Variants in CNBD1 observed in about 807,000 individuals in gnomAD.
CNBD1 encodes the protein cyclic nucleotide-binding domain-containing protein 1.
CNBD1 carries 71 observed loss-of-function variants against 54.4 expected under a neutral mutation model. That is an observed-to-expected ratio of 1.30 (90% CI 1.08 to 1.59). CNBD1 has a LOEUF of 1.59. CNBD1 is among the 40% of genes most tolerant of loss of function. The pLI, the probability that CNBD1 is intolerant of heterozygous loss-of-function variation, is 0.00. For synonymous variants in CNBD1, 182 were observed against 170.7 expected, an observed-to-expected ratio of 1.07 and a Z score of -0.51; for missense variants, 659 against 518.0, an observed-to-expected ratio of 1.27 and a Z score of -2.64.
intron 4 of CNBD1, among the ~76,000 whole-genome samples, chr8:86,962,794 CACAAAAA>C (rs1807965153): frequency 6.6e-6 from 1 of 151,108 alleles, no homozygotes; most frequent in Non-Finnish European, 1.5e-5. Flanking sequence ...TCAAAAAAAA[CACAAAAA>C]ACAAAAAACA....
intron 5 of CNBD1, among the ~76,000 whole-genome samples, chr8:87,226,475 T>C (rs897131218): frequency 6.1e-5 from 9 of 148,418 alleles, no homozygotes; most frequent in Non-Finnish European, 1.3e-4. Context: ...AACATCTTTA[T>C]TTCTGCCTTC....
At chr8:87,297,503 T>C (rs561972474) in intron 8 of CNBD1, among the ~76,000 whole-genome samples, 1 of 152,304 alleles carries the variant, frequency 6.6e-6, no homozygotes, top group South Asian at 2.1e-4. Flanking sequence ...ACGATATGAA[T>C]TTTTAAATCT....
At chr8:87,382,441 A>T (rs961361688) in intron 10 of CNBD1, among the ~76,000 whole-genome samples, 179 bp from the exon 11 acceptor site, 5 of 152,030 alleles carry the variant, frequency 3.3e-5, no homozygotes, top group Non-Finnish European at 5.9e-5. Flanking sequence ...ATGTCATTAG[A>T]GGGGGTGTAA....
intron 4 of CNBD1, among the ~76,000 whole-genome samples, chr8:86,944,245 C>T (rs1253265276): frequency 2.0e-5 from 3 of 151,998 alleles, no homozygotes; most frequent in Non-Finnish European, 4.4e-5. Flanking sequence ...ATTTTTCATC[C>T]ATTAATTAAT....
chr8:87,371,657 TC>T (rs1810804252), intron 10 of CNBD1, among the ~76,000 whole-genome samples: 1 of 152,108 alleles, frequency 6.6e-6, no homozygotes, highest in East Asian at 1.9e-4. Context: ...GTGGGCTTCA[TC>T]CCTGGGATGC....
At chr8:87,164,744 C>T (rs575764952) in intron 4 of CNBD1, among the ~76,000 whole-genome samples, 1 of 151,328 alleles carries the variant, frequency 6.6e-6, no homozygotes, top group African/African-American at 2.4e-5. Context: ...ACTTTCATTG[C>T]TTTTTTCTGT....
rs561751458 is a variant in CNBD1 at position 87,223,506 on chromosome 8, C to T, written c.578-13413C>T. 9.6e-3 allele frequency among the ~76,000 whole-genome samples: 1,428 copies of T among 149,324 alleles called. 27 individuals carry two copies. Among genetic ancestry groups the T allele is most frequent in the African/African-American group, 0.033 (1,357 of 40,628 alleles). On this transcript the variant is annotated intron_variant, in intron 5 of 10. Transcript: ENST00000518476. ...AATATGCAGTGTTTGGTTTTTTGTT[C>T]TTGCGATAGTTTACTGAGAATGATG...
intron 3 of CNBD1, among the ~76,000 whole-genome samples, chr8:86,908,800 T>TTTTTGAGACGGAGTCC (rs1554629463): frequency 7.4e-5 from 10 of 135,754 alleles, no homozygotes; most frequent in Non-Finnish European, 9.5e-5. Context: ...TTTTTTTTTT[T>TTTTTGAGACGGAGTCC]TGTGCTGAGG....
At chr8:87,073,945 CA>C (rs1810811478) in intron 4 of CNBD1, among the ~76,000 whole-genome samples, 1 of 151,780 alleles carries the variant, frequency 6.6e-6, no homozygotes, top group Non-Finnish European at 1.5e-5. Context: ...ACTAAAAACA[CA>C]AAAAAATTAG....
chr8:86,886,501 T>C (rs971573875), intron 1 of CNBD1, among the ~76,000 whole-genome samples: 20 of 152,184 alleles, frequency 1.3e-4, no homozygotes, highest in Non-Finnish European at 1.3e-4. Context: ...TCTGCTTAAA[T>C]TTCCCTTATT....
At chr8:87,016,318 A>T (rs1422247790) in intron 4 of CNBD1, among the ~76,000 whole-genome samples, 1 of 151,934 alleles carries the variant, frequency 6.6e-6, no homozygotes, top group Non-Finnish European at 1.5e-5. Flanking sequence ...AAAAGCATAA[A>T]ATAAGCTTTT....
intron 6 of CNBD1, among the ~76,000 whole-genome samples, chr8:87,269,956 T>C (rs2130857013): frequency 6.6e-6 from 1 of 152,010 alleles, no homozygotes; most frequent in Non-Finnish European, 1.5e-5. Context: ...CTATAATGAA[T>C]AAAGAAAACT....
chr8:87,021,161 G>A (rs559372124), intron 4 of CNBD1, among the ~76,000 whole-genome samples: 17 of 152,168 alleles, frequency 1.1e-4, no homozygotes, highest in Non-Finnish European at 2.1e-4. Context: ...CCTTGGGCAC[G>A]TGTTCTCAAG....
At chr8:87,367,652 A>G (rs1421635945) in intron 10 of CNBD1, among the ~76,000 whole-genome samples, 1 of 152,130 alleles carries the variant, frequency 6.6e-6, no homozygotes, top group Non-Finnish European at 1.5e-5. Flanking sequence ...CATACTTTAT[A>G]TGTTTTATCT....
At chr8:87,152,340 C>T (rs1339225354) in intron 4 of CNBD1, among the ~76,000 whole-genome samples, 1 of 150,468 alleles carries the variant, frequency 6.6e-6, no homozygotes, top group Non-Finnish European at 1.5e-5. Context: ...ACTTCTGTAA[C>T]AGGGGTGTCC....
At chr8:86,953,559 C>T (rs1346516633) in intron 4 of CNBD1, among the ~76,000 whole-genome samples, 1 of 152,116 alleles carries the variant, frequency 6.6e-6, no homozygotes, top group African/African-American at 2.4e-5. Flanking sequence ...AGATCAAACA[C>T]CACCTTACTC....
At chr8:87,292,094 G>C (rs1333883482) in intron 8 of CNBD1, among the ~76,000 whole-genome samples, 2 of 152,104 alleles carry the variant, frequency 1.3e-5, no homozygotes, top group Non-Finnish European at 2.9e-5. Context: ...GGAAAATGCT[G>C]TCATTGATTC....
intron 4 of CNBD1, among the ~76,000 whole-genome samples, chr8:87,033,352 C>G (rs934633309): frequency 2.6e-5 from 4 of 151,806 alleles, no homozygotes; most frequent in Non-Finnish European, 5.9e-5. Flanking sequence ...TCTGGGTCAC[C>G]AAGGTCATTG....
At chr8:86,952,604 A>G (rs1807653750) in intron 4 of CNBD1, among the ~76,000 whole-genome samples, 1 of 151,942 alleles carries the variant, frequency 6.6e-6, no homozygotes, top group South Asian at 2.1e-4. Flanking sequence ...TATATCATAT[A>G]TAACATGTTA....
Sources: gnomAD v4.1 joint callset for allele counts (sites outside exome capture counted in the v4.1 genomes callset) on GRCh38, gnomAD v4.1.1 for gene constraint, MANE v1.5 for transcripts, NCBI Gene and HGNC (gene_info 2026-07-23, HGNC 2026-07-21) for gene names.